OSBP2: variants seen among roughly 807,000 people sequenced by gnomAD.
OSBP2 encodes oxysterol-binding protein 2.
In OSBP2, 66 loss-of-function variants were observed where a neutral mutation model predicts 96.0. The ratio of observed to expected loss-of-function variants is 0.69; its 90% CI spans 0.56 to 0.84. The LOEUF (loss-of-function observed/expected upper bound fraction) is 0.84, where lower values mean the gene tolerates loss of function less well. OSBP2 is among the 40% of genes least tolerant of loss of function. The probability of loss-of-function intolerance (pLI) is 0.00; values close to 1 mark genes in which losing one functional copy is unlikely to be tolerated. For missense variants in OSBP2, 1,038 were observed against 1,222.7 expected (o/e 0.85, Z 2.25); for synonymous variants, 525 against 520.9 (o/e 1.01, Z -0.11).
At chr22:30,774,750 G>A (rs1007333632) in intron 2 of OSBP2, among the ~76,000 whole-genome samples, 1 of 152,112 alleles carries the variant, frequency 6.6e-6, no homozygotes, top group Admixed American at 6.6e-5. Context: ...ATATGTTGTG[G>A]ATATTCCATG....
chr22:30,894,652 A>G (rs1004587598), intron 12 of OSBP2, among the ~76,000 whole-genome samples: 4 of 152,276 alleles, frequency 2.6e-5, no homozygotes, highest in Non-Finnish European at 5.9e-5. Flanking sequence ...CCAAAAGGAA[A>G]GAGGGACTGT....
At chr22:30,863,879 T>C (rs1040898787) in intron 2 of OSBP2, among the ~76,000 whole-genome samples, 13 of 152,092 alleles carry the variant, frequency 8.5e-5, no homozygotes, top group Non-Finnish European at 1.9e-4. Context: ...TTCTCTTTCT[T>C]TGCTCCCCTC....
intron 2 of OSBP2, among the ~76,000 whole-genome samples, chr22:30,863,697 A>AG (rs1398930766): frequency 6.6e-6 from 1 of 152,088 alleles, no homozygotes; most frequent in African/African-American, 2.4e-5. Flanking sequence ...CAGAGAGGGG[A>AG]GGGACAGCAG....
At chr22:30,763,388 T>C (rs780838781) in intron 2 of OSBP2, among the ~76,000 whole-genome samples, 12 of 152,248 alleles carry the variant, frequency 7.9e-5, no homozygotes, top group Non-Finnish European at 1.6e-4. Flanking sequence ...GGCTTACGCC[T>C]GTAATCCCAA....
In OSBP2 at chr22:30,894,692, C is replaced by T. The variant is rs898993308; in HGVS notation, c.2375+691C>T. Among the ~76,000 whole-genome samples the T allele has an allele frequency of 3.9e-5, 6 of 152,194 alleles. No homozygotes were observed. In the South Asian group the frequency reaches 8.3e-4, roughly 21 times the overall value. On this transcript the variant is annotated intron_variant, in intron 12 of 13. Transcript: ENST00000332585. Reference sequence around the variant, plus strand: ...GAAGATAAAAATAACAAAGAAATTCCTGCACCTAAATCTATGCAGTGAAAC... The same window carrying T: ...GAAGATAAAAATAACAAAGAAATTCTTGCACCTAAATCTATGCAGTGAAAC...
At chr22:30,877,619 C>T (rs1305350316) in intron 3 of OSBP2, among the ~76,000 whole-genome samples, 1 of 152,206 alleles carries the variant, frequency 6.6e-6, no homozygotes, top group African/African-American at 2.4e-5. Flanking sequence ...GCCAGGGCAG[C>T]AGAGCAAGGC....
chr22:30,802,396 T>C (rs1324318708), intron 2 of OSBP2, among the ~76,000 whole-genome samples: 1 of 152,212 alleles, frequency 6.6e-6, no homozygotes, highest in East Asian at 1.9e-4. Flanking sequence ...TAGACTCGCC[T>C]GTAACTGGAT....
intron 5 of OSBP2, 40 bp from the exon 6 acceptor site, chr22:30,889,137 G>A (rs750404707): frequency 1.4e-5 from 22 of 1,595,356 alleles, no homozygotes; most frequent in Middle Eastern, 1.7e-4. Context: ...AGGAGACCTC[G>A]GGATTCATTA....
chr22:30,728,394 C>CAAA (rs34137723), intron 1 of OSBP2, among the ~76,000 whole-genome samples: 1,344 of 131,902 alleles, frequency 0.01, 21 homozygotes, highest in African/African-American at 0.033. Context: ...GACTCCGTCT[C>CAAA]AAAAAAAAAA....
At chr22:30,776,476 T>A (rs1016874077) in intron 2 of OSBP2, among the ~76,000 whole-genome samples, 1 of 152,192 alleles carries the variant, frequency 6.6e-6, no homozygotes, top group Non-Finnish European at 1.5e-5. Flanking sequence ...AGATACAGTG[T>A]ACTTCGCTGA....
chr22:30,905,712 T>G (rs1209920319), intron 12 of OSBP2, 125 bp from the exon 13 acceptor site: 5 of 1,413,888 alleles, frequency 3.5e-6, no homozygotes, highest in Non-Finnish European at 4.7e-6. Flanking sequence ...GAGGGAGTCC[T>G]GGACGCGGGG....
rs1475216862 is a variant in OSBP2, at chr22:30,890,740, G to A, written c.1636G>A (p.Glu546Lys). The A allele has an allele frequency of 1.2e-6, 2 of 1,612,462 alleles. No homozygotes were observed. Among genetic ancestry groups the A allele is most frequent in the African/African-American group, 1.3e-5 (1 of 74,930 alleles). The change falls in exon 8 of 14, where the codon GAG (glutamate) becomes AAG (lysine). Residue 546 changes from glutamate (E) to lysine (K), a missense_variant. Coordinates refer to ENST00000332585, the MANE Select transcript of OSBP2 (RefSeq NM_030758.4). The surrounding 1 kb of genome is among the most constrained non-coding windows in gnomAD (Gnocchi z 4.4). ...TGTCCACCCACAGGTGAACTTCAAT[G>A]AGCCCCTGTCCATGCTCCAGCGGCT... ...SRIPMPVNFN[E>K]PLSMLQRLTE...
At position 30,695,479 on chromosome 22, in the gene OSBP2, C is replaced by T. The variant is rs371219554; in HGVS notation, c.570C>T (p.Leu190=). 3.1e-6 allele frequency: 5 copies of T among 1,613,396 alleles called. No individual in the cohort carries two copies. The highest frequency in any genetic ancestry group is 4.2e-6 in the Non-Finnish European group (5 of 1,180,042). The part of the protein sequence containing the change: ...LPLDSFEGWL[L]KWTNYLKGYQ... ...TGGACAGCTTCGAGGGCTGGCTTCT[C>T]AAGTGGACCAACTATCTGAAGGGCT... Residue 190 remains leucine, a synonymous_variant, in exon 1 of 14, where the codon CTC becomes CTT. Coordinates refer to ENST00000332585, the MANE Select transcript of OSBP2 (RefSeq NM_030758.4).
chr22:30,757,823 A>T (rs2090160136), intron 2 of OSBP2, among the ~76,000 whole-genome samples: 1 of 152,162 alleles, frequency 6.6e-6, no homozygotes, highest in South Asian at 2.1e-4. Context: ...CCAAGGTCTC[A>T]GGTCACTTTC....
chr22:30,905,790 T>C (rs769389987), intron 12 of OSBP2, 47 bp from the exon 13 acceptor site: 7 of 1,603,470 alleles, frequency 4.4e-6, no homozygotes, highest in South Asian at 2.2e-5. Context: ...GTAGGTGTGG[T>C]CCGGCTCACA....
At position 30,881,662 on chromosome 22, in the gene OSBP2, A is replaced by G; in HGVS notation, c.1108-5764A>G. On this transcript the variant is annotated intron_variant, in intron 3 of 13. Transcript: ENST00000332585. The surrounding 1 kb of genome is among the most constrained non-coding windows in gnomAD (Gnocchi z 4.5). ...AAGCCTAATCCAGCTTATCAAGCAC[A>G]CAGCACACAGCCCAGCTCAGCATTC... is the stretch of plus-strand genomic sequence containing the variant. The G allele has an allele frequency of 7.7e-7, 1 of 1,303,790 alleles. No individual in the cohort carries two copies. Among genetic ancestry groups the G allele is most frequent in the African/African-American group, 1.5e-5 (1 of 65,952 alleles). 80.8% of individuals were successfully genotyped at this position (1,303,790 alleles called of 1,614,324 possible).
intron 9 of OSBP2, 28 bp downstream of exon 9, chr22:30,893,270 GAC>G: frequency 6.2e-7 from 1 of 1,613,836 alleles, no homozygotes; most frequent in Non-Finnish European, 8.5e-7. Flanking sequence ...GCCTTCCTGG[GAC>G]ACAGAGACAT....
chr22:30,828,359 G>C (rs923709529), intron 2 of OSBP2, among the ~76,000 whole-genome samples: 3 of 152,216 alleles, frequency 2.0e-5, no homozygotes, highest in Non-Finnish European at 4.4e-5. Context: ...ACCCAGCCCA[G>C]AGGGGCTGGG....
rs1166891395 is a variant in OSBP2 at position 30,902,133 on chromosome 22, A to AC, written c.2376-3704_2376-3703insC. On this transcript the variant is annotated intron_variant, in intron 12 of 13. Transcript: ENST00000332585. ...AAGAAAAAAAAAAAAAACGAAAAAA[A>AC]AAAAACCAAAAAAAAAAAACAGAGG... 1.3e-3 allele frequency: 246 copies of AC among 195,616 alleles called. 9 individuals carry two copies. The highest frequency in any genetic ancestry group is 0.011 in the Middle Eastern group (6 of 536). The allele number at this position is 195,616 out of a possible 1,614,324, so 12.1% of individuals were successfully genotyped here. A position where few individuals can be genotyped will look rare whatever the true frequency, so the allele number is the denominator to read the frequency against.
Sources: allele counts gnomAD v4.1 joint callset (sites outside exome capture counted in the v4.1 genomes callset), GRCh38; gene constraint gnomAD v4.1.1; non-coding constraint Gnocchi (gnomAD v3.1); transcripts MANE v1.5; gene names NCBI Gene and HGNC (gene_info 2026-07-23, HGNC 2026-07-21).